LARGE1: variants seen among roughly 807,000 people sequenced by gnomAD.
The protein encoded by LARGE1 is xylosyl- and glucuronyltransferase LARGE1.
A neutral mutation model predicts 87.6 loss-of-function variants in LARGE1; 43 were observed. The observed-to-expected ratio is 0.49, with a 90% CI of 0.38 to 0.63. LARGE1 has a LOEUF of 0.63. Among genes scored for constraint, LARGE1 ranks in the 30% least tolerant of loss-of-function variants. The probability of loss-of-function intolerance (pLI) is 0.00; values close to 1 mark genes in which losing one functional copy is unlikely to be tolerated. For missense variants in LARGE1, 802 were observed against 1,000.2 expected, an observed-to-expected ratio of 0.80 and a Z score of 2.67; for synonymous variants, 434 against 394.6, an observed-to-expected ratio of 1.10 and a Z score of -1.18.
At chr22:33,305,356 ATT>A (rs376363623) in intron 11 of LARGE1, among the ~76,000 whole-genome samples, 8 of 141,802 alleles carry the variant, frequency 5.6e-5, no homozygotes, top group Non-Finnish European at 9.0e-5. Flanking sequence ...CAGGGAAAAA[ATT>A]AAAAAAAAAA....
chr22:33,784,212 G>A (rs2085524313), intron 1 of LARGE1, among the ~76,000 whole-genome samples: 1 of 152,158 alleles, frequency 6.6e-6, no homozygotes, highest in African/African-American at 2.4e-5. Flanking sequence ...ACTTGCAGTA[G>A]TATTTTCTAT....
intron 11 of LARGE1, among the ~76,000 whole-genome samples, chr22:33,184,834 G>A (rs986068791): frequency 9.2e-5 from 14 of 152,148 alleles, no homozygotes; most frequent in Non-Finnish European, 1.8e-4. Context: ...TGTTAAGGAA[G>A]TGTAAGTTAA....
At chr22:33,079,882 C>T in the LARGE1 span, among the ~76,000 whole-genome samples, 2 of 152,134 alleles carry the variant, frequency 1.3e-5, no homozygotes, top group Non-Finnish European at 2.9e-5. Flanking sequence ...GAAAATTGAT[C>T]ATGGCTCTTT....
At chr22:33,561,060 G>A (rs1243566580) in intron 6 of LARGE1, among the ~76,000 whole-genome samples, 4 of 152,038 alleles carry the variant, frequency 2.6e-5, no homozygotes, top group South Asian at 2.1e-4. Context: ...GTGATCTGCC[G>A]GGCTCGGCCT....
rs534116241 is a variant in LARGE1 at position 33,412,906 on chromosome 22, C to T, written c.892+19255G>A. Among the ~76,000 whole-genome samples, 11 of 152,318 alleles carry T rather than the reference C, an allele frequency of 7.2e-5. No individual in the cohort carries two copies. The East Asian group carries it at 2.1e-3, about 29-fold the overall frequency. ...GATATCTTGGCCTCAGGTGATCTAC[C>T]CGCCTTGGCCTCCCAAAGTGCTGGG... is the stretch of plus-strand genomic sequence containing the variant. On this transcript the variant is annotated intron_variant, in intron 7 of 14. Coordinates refer to ENST00000397394, the MANE Select transcript of LARGE1 (RefSeq NM_133642.5).
intron 6 of LARGE1, among the ~76,000 whole-genome samples, chr22:33,470,956 T>C (rs918119321): frequency 2.0e-5 from 3 of 152,114 alleles, no homozygotes; most frequent in East Asian, 1.9e-4. Context: ...GTGAGGACCA[T>C]ATATGATAAT....
At chr22:33,122,062 A>C in the LARGE1 span, among the ~76,000 whole-genome samples, 5 of 152,184 alleles carry the variant, frequency 3.3e-5, no homozygotes, top group Non-Finnish European at 7.3e-5. Context: ...AAACCATATC[A>C]CCTTGTTTTC....
At chr22:33,476,442 G>A (rs929398768) in intron 6 of LARGE1, among the ~76,000 whole-genome samples, 34 of 152,092 alleles carry the variant, frequency 2.2e-4, no homozygotes, top group Non-Finnish European at 5.9e-5. Context: ...CCTCCTTTCT[G>A]GACCAAACCA....
At chr22:33,720,159 G>A (rs1387199143) in intron 2 of LARGE1, among the ~76,000 whole-genome samples, 1 of 152,184 alleles carries the variant, frequency 6.6e-6, no homozygotes, top group East Asian at 1.9e-4. Flanking sequence ...TGGGAGCCCT[G>A]AGTTTGTCTT....
chr22:33,551,536 G>C (rs923843199), intron 6 of LARGE1, among the ~76,000 whole-genome samples: 2 of 152,168 alleles, frequency 1.3e-5, no homozygotes, highest in Non-Finnish European at 2.9e-5. Flanking sequence ...TCCCAGACAA[G>C]ATACATCTAG....
At chr22:33,773,048 C>CA (rs2085121683) in intron 1 of LARGE1, among the ~76,000 whole-genome samples, 2 of 152,212 alleles carry the variant, frequency 1.3e-5, no homozygotes, top group Non-Finnish European at 1.5e-5. Flanking sequence ...TACTGCCCCT[C>CA]AGACACCCTC....
chr22:33,894,795 C>A (rs1226955358), intron 1 of LARGE1, among the ~76,000 whole-genome samples: 1 of 152,092 alleles, frequency 6.6e-6, no homozygotes, highest in East Asian at 1.9e-4. Context: ...TGACAGCCAC[C>A]TCATCAGGCT....
At chr22:33,517,577 T>A (rs2148483522) in intron 6 of LARGE1, among the ~76,000 whole-genome samples, 1 of 151,624 alleles carries the variant, frequency 6.6e-6, no homozygotes, top group African/African-American at 2.4e-5. Context: ...TAATTTTGTA[T>A]TTTTAGTAGA....
At chr22:33,672,817 T>C (rs2081456860) in intron 2 of LARGE1, among the ~76,000 whole-genome samples, 1 of 152,354 alleles carries the variant, frequency 6.6e-6, no homozygotes, top group South Asian at 2.1e-4. Flanking sequence ...GCACCTATTA[T>C]GTGCAAGACA....
At chr22:33,704,486 T>C (rs779393190) in intron 2 of LARGE1, among the ~76,000 whole-genome samples, 1 of 152,178 alleles carries the variant, frequency 6.6e-6, no homozygotes, top group East Asian at 1.9e-4. Context: ...CATTCCATCA[T>C]TGAGCTCTCC....
chr22:33,494,304 A>T (rs527264019), intron 6 of LARGE1, among the ~76,000 whole-genome samples: 9 of 152,216 alleles, frequency 5.9e-5, no homozygotes, highest in Non-Finnish European at 1.3e-4. Flanking sequence ...TAAAATGGAG[A>T]TGGCTTGTGT....
chr22:33,493,087 C>T (rs2069929956), intron 6 of LARGE1, among the ~76,000 whole-genome samples: 1 of 151,630 alleles, frequency 6.6e-6, no homozygotes, highest in South Asian at 2.1e-4. Flanking sequence ...ACTCGAGGGT[C>T]CTCTTTCAAA....
upstream of LARGE1, among the ~76,000 whole-genome samples, chr22:33,920,875 C>G (rs1209620389): frequency 6.8e-6 from 1 of 146,046 alleles, no homozygotes; most frequent in Admixed American, 6.8e-5. Flanking sequence ...GCGCGATCCC[C>G]GCCTCCCGCG....
At chr22:33,304,979 T>C (rs77125923) in intron 11 of LARGE1, among the ~76,000 whole-genome samples, 4,798 of 152,240 alleles carry the variant, frequency 0.032, 117 homozygotes, top group Admixed American at 0.052. Flanking sequence ...CAACTATAAT[T>C]ACAGATGTGC....
Sources: gnomAD v4.1 joint callset for allele counts (sites outside exome capture counted in the v4.1 genomes callset) on GRCh38, gnomAD v4.1.1 for gene constraint, MANE v1.5 for transcripts, NCBI Gene and HGNC (gene_info 2026-07-23, HGNC 2026-07-21) for gene names.